HSPG2: variants seen among roughly 807,000 people sequenced by gnomAD.
HSPG2 encodes the protein basement membrane-specific heparan sulfate proteoglycan core protein.
HSPG2 carries 278 observed loss-of-function variants against 526.6 expected under a neutral mutation model. The observed-to-expected ratio is 0.53, with a 90% CI of 0.48 to 0.58. HSPG2 has a LOEUF of 0.58. HSPG2 is among the 20% of genes least tolerant of loss of function. The pLI is 0.00. For missense variants in HSPG2, 5,354 were observed against 6,099.5 expected (o/e 0.88, Z 4.07); for synonymous variants, 2,465 against 2,555.4 (o/e 0.96, Z 1.07).
chr1:21,823,584 GC>G, intron 96 of HSPG2, 31 bp downstream of exon 96: 1 of 1,609,374 alleles, frequency 6.2e-7, no homozygotes, highest in South Asian at 1.1e-5. Context: ...TGCCGTTCCT[GC>G]CCCTGCCCTG....
intron 66 of HSPG2, 130 bp downstream of exon 66, chr1:21,843,167 G>T (rs1321580295): frequency 2.2e-6 from 3 of 1,374,708 alleles, no homozygotes; most frequent in East Asian, 2.3e-5. Context: ...GGGTTGGCTT[G>T]ATCCTCCGTG....
At chr1:21,925,446 C>T (rs1287365490) in intron 1 of HSPG2, among the ~76,000 whole-genome samples, 1 of 152,182 alleles carries the variant, frequency 6.6e-6, no homozygotes, top group Non-Finnish European at 1.5e-5. Flanking sequence ...AGAGCAGGCC[C>T]CGCTCAGCAA....
Position 21,844,141 on chromosome 1 carries a change from C to A in HSPG2, c.8616+7G>T, listed in dbSNP as rs894305141. Reference sequence around the variant, plus strand: ...AGGATGCATGCATCCTTCTCCAGCTCCTTTACCTGGTGCCGGGCAGGGAGG... The same window carrying A: ...AGGATGCATGCATCCTTCTCCAGCTACTTTACCTGGTGCCGGGCAGGGAGG... On this transcript the variant is annotated splice_region_variant and intron_variant, in intron 65 of 96. Transcript: ENST00000374695. 1 of 1,612,654 alleles carries A rather than the reference C, an allele frequency of 6.2e-7. No homozygotes were observed. The highest frequency in any genetic ancestry group is 1.3e-5 in the African/African-American group (1 of 74,930).
Position 21,890,715 on chromosome 1 carries a change from C to T in HSPG2, c.245-21G>A, listed in dbSNP as rs770427672. On this transcript the variant is annotated intron_variant, in intron 3 of 96. Transcript: ENST00000374695. The surrounding 1 kb of genome is among the most constrained non-coding windows in gnomAD (Gnocchi z 4.1). ...ATAAACTGGAAAATCGAAGGAGGAT[C>T]ATTTTGAGAGCCCCAGCCTGGCATC... is the stretch of plus-strand genomic sequence containing the variant. The T allele has an allele frequency of 6.4e-7, 1 of 1,569,226 alleles. No homozygotes were observed. The highest frequency in any genetic ancestry group is 1.1e-5 in the South Asian group (1 of 90,156).
Position 21,857,398 on chromosome 1 carries a change from G to T in HSPG2, c.5294-13C>A. ...TTGCTTGGAGCCTCTGCAGGGACGG[G>T]AAGCCCCCCTGTGAGCCGGTGCTGG... On this transcript the variant is annotated splice_polypyrimidine_tract_variant and intron_variant, in intron 42 of 96. Coordinates refer to ENST00000374695, the MANE Select transcript of HSPG2 (RefSeq NM_005529.7). The T allele has an allele frequency of 6.2e-7, 1 of 1,612,040 alleles. No individual in the cohort carries two copies. The highest frequency in any genetic ancestry group is 1.3e-5 in the African/African-American group (1 of 74,996).
chr1:21,924,506 C>G (rs952239058), intron 1 of HSPG2, among the ~76,000 whole-genome samples: 23 of 152,198 alleles, frequency 1.5e-4, no homozygotes, highest in African/African-American at 5.3e-4. Flanking sequence ...GGGTAGTGAG[C>G]AGTTTTCTCC....
chr1:21,887,903 A>C lies in HSPG2; in HGVS notation c.703+35T>G, dbSNP rs755953691. On this transcript the variant is annotated intron_variant, in intron 7 of 96. Coordinates refer to ENST00000374695, the MANE Select transcript of HSPG2 (RefSeq NM_005529.7). The surrounding 1 kb of genome is among the most constrained non-coding windows in gnomAD (Gnocchi z 5.0). ...TGTAGGACCCTGGCCCTCCCCTGGC[A>C]CCCAAACCACTCGTGGCCCCGGACA... 1.9e-6 allele frequency: 3 copies of C among 1,613,570 alleles called. No homozygotes were observed. The highest frequency in any genetic ancestry group is 2.5e-6 in the Non-Finnish European group (3 of 1,179,936).
At chr1:21,844,081 A>G (rs1449867477) in intron 65 of HSPG2, 67 bp downstream of exon 65, 32 of 1,590,586 alleles carry the variant, frequency 2.0e-5, no homozygotes, top group Non-Finnish European at 2.5e-5. Flanking sequence ...CTTTCCCTTC[A>G]ACGCTGGATT....
rs921847 is a variant in HSPG2 at position 21,881,537 on chromosome 1, C to T, written c.1655-35G>A. ...GCAAGGGGGAGGCTGAGGGCTGCAG[C>T]CTGGGCCTGCCTGATACACCCATCT... On this transcript the variant is annotated intron_variant, in intron 13 of 96. Transcript: ENST00000374695. The T allele has an allele frequency of 0.98, 1,553,443 of 1,592,800 alleles. 758,843 individuals are homozygous for T. Among genetic ancestry groups the T allele is most frequent in the East Asian group, 1 (44,578 of 44,580 alleles).
Position 21,893,773 on chromosome 1 carries a change from C to A in HSPG2, c.244+2149G>T, listed in dbSNP as rs1384838096. On this transcript the variant is annotated intron_variant, in intron 3 of 96. Transcript: ENST00000374695. The surrounding 1 kb of genome is among the most constrained non-coding windows in gnomAD (Gnocchi z 4.3). Reference sequence around the variant, plus strand: ...AGACATTGCAAGAGAGAGGGAGACACAAAGAGACAGAAAGACAGAGACAGA... The same window carrying A: ...AGACATTGCAAGAGAGAGGGAGACAAAAAGAGACAGAAAGACAGAGACAGA... 6.8e-6 allele frequency among the ~76,000 whole-genome samples: 1 copy of A among 147,414 alleles called. No individual in the cohort carries two copies. Among genetic ancestry groups the A allele is most frequent in the Non-Finnish European group, 1.5e-5 (1 of 67,376 alleles).
intron 78 of HSPG2, 78 bp from the exon 79 acceptor site, chr1:21,833,692 C>G: frequency 6.3e-7 from 1 of 1,595,848 alleles, no homozygotes; most frequent in Non-Finnish European, 8.6e-7. Flanking sequence ...TGCCTCAGGC[C>G]CACCTTCCAA....
At position 21,896,346 on chromosome 1, in the gene HSPG2, C is replaced by A. The variant is rs775460428; in HGVS notation, c.64-36G>T. 4 of 1,607,500 alleles carry A rather than the reference C, an allele frequency of 2.5e-6. No individual in the cohort carries two copies. In the South Asian group the frequency reaches 4.4e-5, roughly 18 times the overall value. On this transcript the variant is annotated intron_variant, in intron 1 of 96. Transcript: ENST00000374695. ...ACGAGAGCTGATTGAGTCACTCTCT[C>A]CAGCTCCCACTGAGCCCCACGGTCC...
rs1640062347 is a variant in HSPG2, at chr1:21,864,435, C to T, written c.4627-222G>A. On this transcript the variant is annotated intron_variant, in intron 36 of 96. Transcript: ENST00000374695. The surrounding 1 kb of genome is among the most constrained non-coding windows in gnomAD (Gnocchi z 4.8). ...AGGCATCTCTATGCTGTGCTTTGGG[C>T]CGGAGTAATCTGTGTTTCTGAATTG... Among the ~76,000 whole-genome samples the T allele has an allele frequency of 6.6e-6, 1 of 152,210 alleles. No individual in the cohort carries two copies. The highest frequency in any genetic ancestry group is 6.5e-5 in the Admixed American group (1 of 15,276).
chr1:21,850,590 G>C (rs1638816402), intron 55 of HSPG2, 92 bp from the exon 56 acceptor site: 9 of 1,387,340 alleles, frequency 6.5e-6, no homozygotes, highest in Admixed American at 5.3e-5. Flanking sequence ...CCCAAGGCCT[G>C]GCCATCAGCT....
At chr1:21,925,037 A>C (rs1203680306) in intron 1 of HSPG2, among the ~76,000 whole-genome samples, 1 of 152,164 alleles carries the variant, frequency 6.6e-6, no homozygotes, top group African/African-American at 2.4e-5. Flanking sequence ...GCATCCGGAG[A>C]GTAGGGACCA....
intron 81 of HSPG2, 81 bp from the exon 82 acceptor site, chr1:21,831,877 G>A: frequency 1.4e-6 from 2 of 1,428,458 alleles, no homozygotes; most frequent in East Asian, 4.7e-5. Flanking sequence ...TGGGTAGAGG[G>A]GTCCCAGAGG....
At position 21,833,861 on chromosome 1, in the gene HSPG2, G is replaced by C. The variant is rs1311317226; in HGVS notation, c.10785C>G (p.Pro3595=). The C allele has an allele frequency of 1.9e-6, 3 of 1,605,142 alleles. No homozygotes were observed. The change falls in exon 78 of 97, where the codon CCC becomes CCG. Residue 3595 remains proline (P), a synonymous_variant. Coordinates refer to ENST00000374695, the MANE Select transcript of HSPG2 (RefSeq NM_005529.7). ...GAGTGGGGTAGCCTGAGGCTATGCA[G>C]GGGAAGACAGCTGCAGAACCAGCAG... ...RVPAGSAAVF[P]CIASGYPTPD... is the part of the protein sequence containing the mutation.
intron 76 of HSPG2, 197 bp from the exon 77 acceptor site, chr1:21,835,142 C>CT (rs11338283): frequency 0.02 from 11,455 of 572,366 alleles, no homozygotes; most frequent in East Asian, 0.032. Flanking sequence ...GTGTCCACTT[C>CT]TTTTTTTTTT....
At chr1:21,907,008 G>C (rs34160855) in intron 1 of HSPG2, among the ~76,000 whole-genome samples, 45,189 of 152,014 alleles carry the variant, frequency 0.3, 7,308 homozygotes, top group East Asian at 0.46. Flanking sequence ...CTAGCTGGTA[G>C]TAGGAGGGGT....
Sources: gnomAD v4.1 joint callset for allele counts (sites outside exome capture counted in the v4.1 genomes callset) on GRCh38, gnomAD v4.1.1 for gene constraint, Gnocchi (gnomAD v3.1) non-coding constraint, MANE v1.5 for transcripts, NCBI Gene and HGNC (gene_info 2026-07-23, HGNC 2026-07-21) for gene names.